The following MGAT4C variants were observed in gnomAD, a reference collection of about 807,000 sequenced individuals.
MGAT4C encodes MGAT4 family member C.
MGAT4C carries 19 observed loss-of-function variants against 40.1 expected under a neutral mutation model. The observed-to-expected ratio is 0.47, with a 90% CI of 0.33 to 0.70. The LOEUF is 0.70. Ranked by LOEUF, MGAT4C falls within the 30% of genes least tolerant of loss-of-function variation. The pLI is 0.02. For synonymous variants in MGAT4C, 181 were observed against 187.1 expected (o/e 0.97, Z 0.27); for missense variants, 491 against 563.2 (o/e 0.87, Z 1.30).
chr12:86,303,435 T>C (rs906526794), intron 4 of MGAT4C, among the ~76,000 whole-genome samples: 1 of 150,426 alleles, frequency 6.6e-6, no homozygotes, highest in Non-Finnish European at 1.5e-5. Context: ...CAGAATCTTA[T>C]AGTAGAGTTC....
chr12:86,644,905 A>G (rs150880418), intron 2 of MGAT4C, among the ~76,000 whole-genome samples: 4 of 151,846 alleles, frequency 2.6e-5, no homozygotes, highest in African/African-American at 9.6e-5. Context: ...AGGAACTTCT[A>G]ACATGCTGGT....
chr12:86,467,460 C>T (rs1373042650), intron 2 of MGAT4C, among the ~76,000 whole-genome samples: 1 of 152,100 alleles, frequency 6.6e-6, no homozygotes, highest in African/African-American at 2.4e-5. Context: ...CATTTATAAC[C>T]AATGTTATAA....
intron 2 of MGAT4C, among the ~76,000 whole-genome samples, chr12:86,504,206 T>C (rs1305452737): frequency 6.6e-6 from 1 of 152,090 alleles, no homozygotes; most frequent in Admixed American, 6.6e-5. Flanking sequence ...CAGTTTCATA[T>C]ATTATTGGTA....
intron 2 of MGAT4C, among the ~76,000 whole-genome samples, chr12:86,582,267 AT>A (rs987002544): frequency 2.6e-5 from 4 of 151,320 alleles, no homozygotes; most frequent in Non-Finnish European, 3.0e-5. Context: ...ACTGTTTATA[AT>A]TTTTTTAGAA....
chr12:86,674,488 G>A (rs572664127), intron 2 of MGAT4C, among the ~76,000 whole-genome samples: 2 of 152,214 alleles, frequency 1.3e-5, no homozygotes, highest in South Asian at 2.1e-4. Context: ...CAGAGGTCGA[G>A]AGTTCGAGAC....
chr12:86,112,391 A>G (rs982873759), intron 1 of MGAT4C, among the ~76,000 whole-genome samples: 1 of 151,582 alleles, frequency 6.6e-6, no homozygotes, highest in Non-Finnish European at 1.5e-5. Context: ...CTTTCTCTAC[A>G]GAGACAGTTG....
chr12:86,293,557 C>T (rs916669111), intron 4 of MGAT4C, among the ~76,000 whole-genome samples: 18 of 150,840 alleles, frequency 1.2e-4, no homozygotes, highest in Admixed American at 4.6e-4. Flanking sequence ...TTATTTCTTG[C>T]TTTGTTCTTG....
At chr12:86,513,760 A>C (rs958183332) in intron 2 of MGAT4C, among the ~76,000 whole-genome samples, 3 of 152,146 alleles carry the variant, frequency 2.0e-5, no homozygotes, top group African/African-American at 7.2e-5. Context: ...AAATGAGCCA[A>C]AGTCTTGGAA....
intron 1 of MGAT4C, among the ~76,000 whole-genome samples, chr12:86,057,199 A>G (rs1893491587): frequency 6.6e-6 from 1 of 151,984 alleles, no homozygotes; most frequent in South Asian, 2.1e-4. Context: ...TTTTTTAGAG[A>G]CAGGGTCTAG....
At chr12:86,518,489 G>A (rs1033369685) in intron 2 of MGAT4C, among the ~76,000 whole-genome samples, 2 of 152,142 alleles carry the variant, frequency 1.3e-5, no homozygotes, top group Non-Finnish European at 2.9e-5. Flanking sequence ...ACATCAGTGA[G>A]ATACCTCTAC....
At chr12:86,577,460 ATTATG>A (rs1960609045) in intron 2 of MGAT4C, among the ~76,000 whole-genome samples, 1 of 151,704 alleles carries the variant, frequency 6.6e-6, no homozygotes, top group African/African-American at 2.4e-5. Context: ...TATGGCTTTT[ATTATG>A]TTAAGGTACG....
At chr12:86,745,087 C>A (rs2136134852) in intron 1 of MGAT4C, 1 of 151,576 alleles carries the variant, frequency 6.6e-6, no homozygotes, top group Non-Finnish European at 1.5e-5. Flanking sequence ...ACCCAACCTT[C>A]TCTTCCCTAG....
At chr12:86,376,320 G>A (rs1428057545) in intron 3 of MGAT4C, among the ~76,000 whole-genome samples, 4 of 151,678 alleles carry the variant, frequency 2.6e-5, no homozygotes, top group Non-Finnish European at 5.9e-5. Flanking sequence ...GTTGCAGTAA[G>A]TGAGCTGAGA....
At chr12:86,370,263 G>T (rs1198841118) in intron 3 of MGAT4C, among the ~76,000 whole-genome samples, 1 of 152,004 alleles carries the variant, frequency 6.6e-6, no homozygotes, top group Admixed American at 6.6e-5. Context: ...TGGAAAAATA[G>T]AGTATTTTAT....
At chr12:86,371,878 T>A (rs966501343) in intron 3 of MGAT4C, among the ~76,000 whole-genome samples, 2 of 151,888 alleles carry the variant, frequency 1.3e-5, no homozygotes, top group African/African-American at 4.8e-5. Context: ...GGAAGTTAGG[T>A]AATATAATAA....
chr12:86,641,498 A>G (rs930426285), intron 2 of MGAT4C, among the ~76,000 whole-genome samples: 2 of 151,762 alleles, frequency 1.3e-5, no homozygotes, highest in Non-Finnish European at 2.9e-5. Context: ...GTGCACATGT[A>G]CCCTAAAACT....
chr12:86,672,371 C>T (rs1964278166), intron 2 of MGAT4C, among the ~76,000 whole-genome samples: 3 of 151,736 alleles, frequency 2.0e-5, no homozygotes, highest in Non-Finnish European at 4.4e-5. Flanking sequence ...ATGCATCATC[C>T]TAAAGAATAA....
At chr12:86,020,399 T>C (rs996719946) in intron 2 of MGAT4C, among the ~76,000 whole-genome samples, 1 of 152,114 alleles carries the variant, frequency 6.6e-6, no homozygotes. Context: ...TATAGACCAA[T>C]GGAACAGAAC....
At chr12:86,366,993 A>G (rs889573480) in intron 3 of MGAT4C, among the ~76,000 whole-genome samples, 1 of 152,180 alleles carries the variant, frequency 6.6e-6, no homozygotes, top group Admixed American at 6.5e-5. Flanking sequence ...AGCTGGCATC[A>G]TATTTGAAAG....
Sources: allele counts gnomAD v4.1 joint callset (sites outside exome capture counted in the v4.1 genomes callset), GRCh38; gene constraint gnomAD v4.1.1; transcripts MANE v1.5; gene names NCBI Gene and HGNC (gene_info 2026-07-23, HGNC 2026-07-21).